The following STT3B variants were observed in gnomAD, a reference collection of about 807,000 sequenced individuals.
STT3B encodes STT3 oligosaccharyltransferase complex catalytic subunit B.
STT3B carries 29 observed loss-of-function variants against 96.8 expected under a neutral mutation model. That is an observed-to-expected ratio of 0.30 (90% CI 0.22 to 0.41). The LOEUF (loss-of-function observed/expected upper bound fraction) is 0.41, where lower values mean the gene tolerates loss of function less well. STT3B is among the 10% of genes least tolerant of loss of function. STT3B has a pLI of 1.00. For missense variants in STT3B, 640 were observed against 1,022.3 expected (o/e 0.63, Z 5.10); for synonymous variants, 367 against 360.0 (o/e 1.02, Z -0.22).
intron 14 of STT3B, among the ~76,000 whole-genome samples, chr3:31,632,265 C>T (rs1035370610): frequency 2.6e-5 from 4 of 152,132 alleles, no homozygotes; most frequent in African/African-American, 9.7e-5. Context: ...GTAGTTCCCA[C>T]TTTCAGAATG....
At chr3:31,623,638 A>G (rs369391718) in intron 10 of STT3B, 36 bp from the exon 11 acceptor site, 1 of 1,489,222 alleles carries the variant, frequency 6.7e-7, no homozygotes, top group Admixed American at 1.9e-5. Context: ...AAGTCAAATA[A>G]TGAATTTGTC....
intron 3 of STT3B, among the ~76,000 whole-genome samples, chr3:31,581,655 T>C (rs546350844): frequency 1.1e-4 from 17 of 152,322 alleles, no homozygotes; most frequent in African/African-American, 4.1e-4. Flanking sequence ...GTTTATAATA[T>C]TCTTTACTTG....
intron 8 of STT3B, 21 bp downstream of exon 8, chr3:31,618,009 T>G (rs375082093): frequency 6.6e-7 from 1 of 1,522,250 alleles, no homozygotes; most frequent in Non-Finnish European, 9.1e-7. Flanking sequence ...TTACATTATT[T>G]GGCATCATAT....
intron 13 of STT3B, among the ~76,000 whole-genome samples, chr3:31,627,037 C>G (rs1281661814): frequency 6.6e-6 from 1 of 152,176 alleles, no homozygotes; most frequent in Non-Finnish European, 1.5e-5. Context: ...CTACCACAGA[C>G]TTGCCCCCTC....
chr3:31,538,997 A>G (rs1411113504), intron 1 of STT3B, among the ~76,000 whole-genome samples: 1 of 152,114 alleles, frequency 6.6e-6, no homozygotes, highest in Admixed American at 6.5e-5. Context: ...TGGGGGAGAT[A>G]GGATCAGTTG....
intron 6 of STT3B, among the ~76,000 whole-genome samples, chr3:31,616,539 T>TACAA (rs1485575481): frequency 4.9e-4 from 74 of 151,940 alleles, no homozygotes; most frequent in Non-Finnish European, 9.1e-4. Flanking sequence ...TAAGTCTTTG[T>TACAA]ATCCTTCAGC....
intron 1 of STT3B, among the ~76,000 whole-genome samples, chr3:31,548,532 A>G (rs967529032): frequency 2.0e-5 from 3 of 152,184 alleles, no homozygotes; most frequent in African/African-American, 7.2e-5. Flanking sequence ...AGTTTAATGC[A>G]TGTTATTATT....
At chr3:31,547,695 G>A (rs1222969866) in intron 1 of STT3B, among the ~76,000 whole-genome samples, 1 of 152,220 alleles carries the variant, frequency 6.6e-6, no homozygotes, top group Non-Finnish European at 1.5e-5. Flanking sequence ...GGTTTAAACT[G>A]AAATGCCACA....
intron 1 of STT3B, among the ~76,000 whole-genome samples, chr3:31,539,810 TATTTAG>T (rs1220635966): frequency 1.6e-4 from 24 of 152,260 alleles, no homozygotes; most frequent in Admixed American, 2.0e-4. Context: ...ATATTGTTCT[TATTTAG>T]ATTTATTTTG....
intron 3 of STT3B, among the ~76,000 whole-genome samples, chr3:31,596,141 G>T (rs1357250082): frequency 6.6e-6 from 1 of 152,138 alleles, no homozygotes; most frequent in African/African-American, 2.4e-5. Flanking sequence ...CAGCCAATTG[G>T]ATTGAGTCTG....
At chr3:31,635,039 T>A (rs1575451916) in intron 15 of STT3B, among the ~76,000 whole-genome samples, 1 of 152,308 alleles carries the variant, frequency 6.6e-6, no homozygotes, top group African/African-American at 2.4e-5. Flanking sequence ...TTATCTTGAA[T>A]TGAACATCAT....
intron 1 of STT3B, among the ~76,000 whole-genome samples, chr3:31,559,149 GTGTGTGTGTGTGTGTGTGT>G (rs1697798776): frequency 3.8e-5 from 1 of 26,614 alleles, no homozygotes; most frequent in Non-Finnish European, 1.1e-4. Context: ...TTCTTGGGGT[GTGTGTGTGTGTGTGTGTGT>G]GTGTGTGTGT....
At chr3:31,539,189 T>G (rs1697171302) in intron 1 of STT3B, among the ~76,000 whole-genome samples, 1 of 152,154 alleles carries the variant, frequency 6.6e-6, no homozygotes, top group Non-Finnish European at 1.5e-5. Context: ...CCTCTTTATG[T>G]TGTTCAAGGT....
chr3:31,572,000 A>G (rs1698154728), intron 1 of STT3B, among the ~76,000 whole-genome samples: 1 of 105,256 alleles, frequency 9.5e-6, no homozygotes, highest in Non-Finnish European at 2.0e-5. Flanking sequence ...ATTAATACAT[A>G]ATTATTTTAT....
At chr3:31,622,371 T>A in intron 10 of STT3B, 63 bp downstream of exon 10, 1 of 1,327,182 alleles carries the variant, frequency 7.5e-7, no homozygotes, top group Non-Finnish European at 1.1e-6. Flanking sequence ...TCCACCACAG[T>A]AAGAACTATA....
At chr3:31,600,676 A>G (rs76907486) in intron 5 of STT3B, among the ~76,000 whole-genome samples, 7 of 152,134 alleles carry the variant, frequency 4.6e-5, no homozygotes, top group Non-Finnish European at 8.8e-5. Context: ...TTTTGTAGAA[A>G]TTAGTCTGGG....
At chr3:31,569,125 T>C (rs1698078283) in intron 1 of STT3B, among the ~76,000 whole-genome samples, 1 of 152,162 alleles carries the variant, frequency 6.6e-6, no homozygotes, top group South Asian at 2.1e-4. Flanking sequence ...TCCGCCTGCC[T>C]TAGCCTCCTG....
At chr3:31,623,107 G>C (rs1218530444) in intron 10 of STT3B, among the ~76,000 whole-genome samples, 1 of 152,066 alleles carries the variant, frequency 6.6e-6, no homozygotes, top group Admixed American at 6.5e-5. Flanking sequence ...TTCTTAACCA[G>C]CCTTGAAATT....
chr3:31,588,786 A>G (rs1234526946), intron 3 of STT3B, among the ~76,000 whole-genome samples: 2 of 151,818 alleles, frequency 1.3e-5, no homozygotes, highest in African/African-American at 4.8e-5. Flanking sequence ...TTTTCTATGT[A>G]TTGCCTTTTG....
Sources: allele counts gnomAD v4.1 joint callset (sites outside exome capture counted in the v4.1 genomes callset), GRCh38; gene constraint gnomAD v4.1.1; transcripts MANE v1.5; gene names NCBI Gene and HGNC (gene_info 2026-07-23, HGNC 2026-07-21).